The following ADGRG2 variants were observed in gnomAD, a reference collection of about 807,000 sequenced individuals.
ADGRG2 encodes the protein adhesion G protein-coupled receptor G2, also known as G protein-coupled receptor 64.
A neutral mutation model predicts 74.1 loss-of-function variants in ADGRG2; 26 were observed. That is an observed-to-expected ratio of 0.35 (90% CI 0.26 to 0.49). The LOEUF (loss-of-function observed/expected upper bound fraction) is 0.49, where lower values mean the gene tolerates loss of function less well. Among genes scored for constraint, ADGRG2 ranks in the 20% least tolerant of loss-of-function variants. The probability of loss-of-function intolerance (pLI) is 0.99; values close to 1 mark genes in which losing one functional copy is unlikely to be tolerated. For synonymous variants in ADGRG2, 296 were observed against 295.2 expected (o/e 1.00, Z -0.03); for missense variants, 619 against 763.1 (o/e 0.81, Z 2.22).
At chrX:18,998,533 T>G (rs192683407) in intron 26 of ADGRG2, among the ~76,000 whole-genome samples, 3 of 108,460 alleles carry the variant, frequency 2.8e-5, no homozygotes, top group Admixed American at 1.0e-4. Flanking sequence ...TCAATGAAAA[T>G]ATCATAAGCC....
In ADGRG2 at chrX:19,074,562, CT is replaced by C. The variant is rs1212446647; in HGVS notation, c.-1-5728del. On this transcript the variant is annotated intron_variant, in intron 2 of 28. Coordinates refer to ENST00000379869, the MANE Select transcript of ADGRG2 (RefSeq NM_001079858.3). ...CATTTTCTTTCTTCTTCTTCTTCTT[CT>C]TTTTTTTTTTTTTTTTGTTTGTTTG... Among the ~76,000 whole-genome samples the C allele has an allele frequency of 5.6e-3, 379 of 67,167 alleles. 7 individuals carry two copies. Among genetic ancestry groups the C allele is most frequent in the Non-Finnish European group, 6.7e-3 (255 of 37,781 alleles). The allele number at this position is 67,167 out of a possible 115,157, so 58.3% of individuals were successfully genotyped here.
intron 8 of ADGRG2, chrX:19,031,963 A>T (rs1262009105): frequency 1.8e-5 from 2 of 112,200 alleles, no homozygotes; most frequent in African/African-American, 6.5e-5. Flanking sequence ...CAAGGGAAAA[A>T]CTTGTTATAT....
intron 2 of ADGRG2, among the ~76,000 whole-genome samples, chrX:19,073,039 G>A (rs2061678369): frequency 8.9e-6 from 1 of 112,170 alleles, no homozygotes; most frequent in African/African-American, 3.2e-5. Flanking sequence ...GGAGGTGTTG[G>A]ATCATGGAGG....
chrX:18,991,698 C>T (rs917951750), intron 28 of ADGRG2, among the ~76,000 whole-genome samples: 6 of 111,929 alleles, frequency 5.4e-5, no homozygotes, highest in Admixed American at 1.9e-4. Flanking sequence ...TTGGTTTGGA[C>T]GTGGGCCTTC....
chrX:19,042,528 GC>G (rs991293925), intron 3 of ADGRG2, among the ~76,000 whole-genome samples: 4 of 111,590 alleles, frequency 3.6e-5, no homozygotes, highest in African/African-American at 1.3e-4. Flanking sequence ...CACACAGGGG[GC>G]TGATTTGAGT....
intron 3 of ADGRG2, among the ~76,000 whole-genome samples, chrX:19,049,438 G>GTTTTTTTTTTGTT (rs2061263703): frequency 9.7e-5 from 8 of 82,166 alleles, no homozygotes; most frequent in African/African-American, 3.4e-4. Context: ...CGTTTTTTGT[G>GTTTTTTTTTTGTT]TTTTTTTTTT....
chrX:18,993,202 T>C (rs767475158), intron 28 of ADGRG2, among the ~76,000 whole-genome samples: 10 of 111,472 alleles, frequency 9.0e-5, no homozygotes, highest in Non-Finnish European at 1.7e-4. Context: ...CCTGGGACAG[T>C]TGGCAGTGTC....
intron 23 of ADGRG2, 86 bp downstream of exon 23, chrX:19,004,672 G>A: frequency 1.1e-6 from 1 of 951,026 alleles, no homozygotes; most frequent in Non-Finnish European, 1.5e-6. Context: ...GGTAAGGCAG[G>A]CCGAGGAAAG....
intron 22 of ADGRG2, among the ~76,000 whole-genome samples, chrX:19,005,632 C>G (rs2060215939): frequency 9.3e-6 from 1 of 107,106 alleles, no homozygotes; most frequent in South Asian, 4.2e-4. Context: ...CGGCTTACTG[C>G]AACCTCTGCC....
At chrX:18,992,227 C>T (rs1173355176) in intron 28 of ADGRG2, among the ~76,000 whole-genome samples, 4 of 112,596 alleles carry the variant, frequency 3.6e-5, no homozygotes, top group Admixed American at 9.4e-5. Flanking sequence ...TTAGGCATTT[C>T]GGCTTGAGGA....
At chrX:19,110,206 AAGG>A (rs756685426) in intron 1 of ADGRG2, among the ~76,000 whole-genome samples, 1 of 111,768 alleles carries the variant, frequency 8.9e-6, no homozygotes, top group East Asian at 2.8e-4. Context: ...AGGAGGGTGG[AAGG>A]AGGAGAAGAG....
At chrX:19,115,762 TG>T (rs2062501313) in intron 1 of ADGRG2, among the ~76,000 whole-genome samples, 1 of 110,752 alleles carries the variant, frequency 9.0e-6, no homozygotes, top group Non-Finnish European at 1.9e-5. Flanking sequence ...TTCAACAGAC[TG>T]GCCAACACGG....
chrX:18,994,727 C>T (rs1039413747), intron 28 of ADGRG2, among the ~76,000 whole-genome samples, 169 bp downstream of exon 28: 10 of 111,891 alleles, frequency 8.9e-5, no homozygotes, highest in African/African-American at 3.3e-4. Context: ...TATAATAAAT[C>T]AATTTGGATT....
At chrX:19,007,442 T>C (rs994077347) in intron 19 of ADGRG2, 85 bp from the exon 20 acceptor site, 2 of 902,232 alleles carry the variant, frequency 2.2e-6, no homozygotes, top group African/African-American at 3.9e-5. Context: ...TCAGTCCACA[T>C]TGTTTATCTT....
intron 2 of ADGRG2, among the ~76,000 whole-genome samples, chrX:19,069,041 GTTATAC>G (rs1348506304): frequency 1.8e-5 from 2 of 111,982 alleles, no homozygotes; most frequent in African/African-American, 6.5e-5. Flanking sequence ...CCAGTAGGAT[GTTATAC>G]TTAGAAGCAA....
chrX:19,121,835 C>T (rs1335932191), intron 1 of ADGRG2, among the ~76,000 whole-genome samples: 1 of 111,107 alleles, frequency 9.0e-6, no homozygotes, highest in African/African-American at 3.3e-5. Context: ...TTCGGAGCCT[C>T]GAAACTCGAG....
At chrX:19,069,232 T>C (rs1219988936) in intron 2 of ADGRG2, among the ~76,000 whole-genome samples, 1 of 112,128 alleles carries the variant, frequency 8.9e-6, no homozygotes, top group African/African-American at 3.2e-5. Context: ...AGGGTCTCGC[T>C]ATGTAGCCCA....
chrX:19,120,004 G>A (rs1019610969), intron 1 of ADGRG2, among the ~76,000 whole-genome samples: 6 of 110,885 alleles, frequency 5.4e-5, no homozygotes, highest in African/African-American at 2.0e-4. Context: ...GTGTTTTTTG[G>A]GCAAGATTTC....
At chrX:19,025,178 G>C (rs2060675103) in intron 11 of ADGRG2, among the ~76,000 whole-genome samples, 2 of 111,428 alleles carry the variant, frequency 1.8e-5, no homozygotes, top group Admixed American at 9.5e-5. Context: ...CCATCCTTTG[G>C]TACCCTATAC....
Sources: gnomAD v4.1 joint callset for allele counts (sites outside exome capture counted in the v4.1 genomes callset) on GRCh38, gnomAD v4.1.1 for gene constraint, MANE v1.5 for transcripts, NCBI Gene and HGNC (gene_info 2026-07-23, HGNC 2026-07-21) for gene names.